The following PTPRG variants were observed in gnomAD, a reference collection of about 807,000 sequenced individuals.
PTPRG encodes receptor-type tyrosine-protein phosphatase gamma.
In PTPRG, 102 loss-of-function variants were observed where a neutral mutation model predicts 165.3. The ratio of observed to expected loss-of-function variants is 0.62; its 90% CI spans 0.53 to 0.73. PTPRG has a LOEUF of 0.73. Among genes scored for constraint, PTPRG ranks in the 30% least tolerant of loss-of-function variants. The pLI, the probability that PTPRG is intolerant of heterozygous loss-of-function variation, is 0.00. For synonymous variants in PTPRG, 675 were observed against 669.5 expected (o/e 1.01, Z -0.13); for missense variants, 1,866 against 1,861.4 (o/e 1.00, Z -0.05).
chr3:61,984,385 C>T (rs1344001859), intron 2 of PTPRG, among the ~76,000 whole-genome samples: 1 of 152,102 alleles, frequency 6.6e-6, no homozygotes, highest in Non-Finnish European at 1.5e-5. Context: ...TCTCTTGTTT[C>T]CTTCGTCTTT....
intron 1 of PTPRG, among the ~76,000 whole-genome samples, chr3:61,566,739 T>G (rs1232033877): frequency 6.6e-6 from 1 of 152,226 alleles, no homozygotes; most frequent in Non-Finnish European, 1.5e-5. Context: ...ACTCCTGACC[T>G]CAGGTGCTCT....
chr3:62,077,930 G>A (rs944612947), intron 4 of PTPRG, among the ~76,000 whole-genome samples: 21 of 151,578 alleles, frequency 1.4e-4, no homozygotes, highest in South Asian at 4.2e-4. Context: ...CCTGGGAGGC[G>A]GAGGTTGTAG....
chr3:62,172,114 T>A (rs2106747442), intron 8 of PTPRG, among the ~76,000 whole-genome samples: 1 of 152,354 alleles, frequency 6.6e-6, no homozygotes, highest in Admixed American at 6.5e-5. Flanking sequence ...CCACATAATA[T>A]GTGGAGGTGC....
At chr3:62,112,108 C>CTT (rs34587018) in intron 5 of PTPRG, among the ~76,000 whole-genome samples, 79 of 148,792 alleles carry the variant, frequency 5.3e-4, no homozygotes, top group African/African-American at 1.8e-3. Flanking sequence ...TTTTTTTCTT[C>CTT]TTTTTTTTTT....
At chr3:62,068,195 A>G (rs1391288646) in intron 4 of PTPRG, among the ~76,000 whole-genome samples, 1 of 152,228 alleles carries the variant, frequency 6.6e-6, no homozygotes, top group Non-Finnish European at 1.5e-5. Context: ...GAATTAATTG[A>G]TGTAAAACGT....
chr3:61,963,884 A>G (rs2040211416), intron 2 of PTPRG, among the ~76,000 whole-genome samples: 1 of 152,138 alleles, frequency 6.6e-6, no homozygotes, highest in South Asian at 2.1e-4. Context: ...TAAAAAAAAA[A>G]GACCTCAGAA....
chr3:61,907,090 A>G (rs888460161), intron 2 of PTPRG, among the ~76,000 whole-genome samples: 3 of 152,130 alleles, frequency 2.0e-5, no homozygotes, highest in East Asian at 1.9e-4. Context: ...TTGGGGTAAC[A>G]TATTCTGTCA....
At chr3:61,773,363 G>A (rs1009044314) in intron 2 of PTPRG, among the ~76,000 whole-genome samples, 6 of 152,128 alleles carry the variant, frequency 3.9e-5, no homozygotes, top group African/African-American at 1.4e-4. Context: ...AAAGATAAAC[G>A]CCTAACTACA....
Position 61,628,353 on chromosome 3 carries a change from G to T in PTPRG, c.85+65981G>T, listed in dbSNP as rs1575548620. On this transcript the variant is annotated intron_variant, in intron 1 of 29. Transcript: ENST00000474889. ...TTTTTTTGAGATGGAGTCTCACTCT[G>T]TTGCCCAGGCTGGAGTGCAGTGGCA... Among the ~76,000 whole-genome samples the T allele has an allele frequency of 3.3e-5, 5 of 151,818 alleles. No homozygotes were observed. In the South Asian group the frequency reaches 1.0e-3, roughly 32 times the overall value.
At chr3:61,933,988 T>A (rs545091219) in intron 2 of PTPRG, among the ~76,000 whole-genome samples, 4 of 152,232 alleles carry the variant, frequency 2.6e-5, no homozygotes, top group Non-Finnish European at 5.9e-5. Flanking sequence ...GGCAGGCTCA[T>A]GCTTTCGCTC....
At position 62,154,893 on chromosome 3, in the gene PTPRG, C is replaced by G. The variant is rs1050931415; in HGVS notation, c.683-2174C>G. ...TGCAGTTGGTGGTGCCAAGCCCTAC[C>G]CACACCCTCTATCGCTTGGGGCTTT... On this transcript the variant is annotated intron_variant, in intron 6 of 29. Coordinates refer to ENST00000474889, the MANE Select transcript of PTPRG (RefSeq NM_002841.4). 3.9e-5 allele frequency among the ~76,000 whole-genome samples: 6 copies of G among 152,142 alleles called. No individual in the cohort carries two copies. In the East Asian group the frequency reaches 1.2e-3, roughly 29 times the overall value.
At chr3:61,955,707 C>G (rs927229137) in intron 2 of PTPRG, among the ~76,000 whole-genome samples, 11 of 152,126 alleles carry the variant, frequency 7.2e-5, no homozygotes, top group African/African-American at 1.9e-4. Flanking sequence ...GATTACCATA[C>G]TGTGTTACTC....
intron 2 of PTPRG, among the ~76,000 whole-genome samples, chr3:61,867,117 C>T (rs547182497): frequency 2.6e-5 from 4 of 152,286 alleles, no homozygotes; most frequent in African/African-American, 9.6e-5. Flanking sequence ...GAAGTTCCTT[C>T]TGGAGCAGAA....
rs60282456 is a variant in PTPRG at position 61,887,170 on chromosome 3, A to ATATATATATATATTTTTT, written c.191-102454_191-102453insATATATATATATTTTTTT. Among the ~76,000 whole-genome samples, 3 of 115,524 alleles carry ATATATATATATATTTTTT rather than the reference A, an allele frequency of 2.6e-5. 1 individual carries two copies. Among genetic ancestry groups the ATATATATATATATTTTTT allele is most frequent in the East Asian group, 3.3e-4 (1 of 3,046 alleles). The allele number at this position is 115,524 out of a possible 152,430, so 75.8% of individuals were successfully genotyped here. A position where few individuals can be genotyped will look rare whatever the true frequency, so the allele number is the denominator to read the frequency against. On this transcript the variant is annotated intron_variant, in intron 2 of 29. Coordinates refer to ENST00000474889, the MANE Select transcript of PTPRG (RefSeq NM_002841.4). ...TATATATATATATATATATATATAT[A>ATATATATATATATTTTTT]TTTTTAATGCCATCATCAAACACTC...
At chr3:61,751,656 A>G (rs1400379325) in intron 2 of PTPRG, among the ~76,000 whole-genome samples, 1 of 152,196 alleles carries the variant, frequency 6.6e-6, no homozygotes, top group Admixed American at 6.5e-5. Flanking sequence ...CACTTCCCAC[A>G]TAGGATTGTT....
chr3:61,994,458 A>G (rs1341396060), intron 3 of PTPRG, among the ~76,000 whole-genome samples: 1 of 152,034 alleles, frequency 6.6e-6, no homozygotes, highest in African/African-American at 2.4e-5. Context: ...ATTCTTCCCT[A>G]TTTGTCTGCA....
At chr3:61,577,613 C>G (rs1700197614) in intron 1 of PTPRG, among the ~76,000 whole-genome samples, 1 of 152,150 alleles carries the variant, frequency 6.6e-6, no homozygotes, top group Non-Finnish European at 1.5e-5. Context: ...TCACTTGTTT[C>G]CTTTTACTGT....
At chr3:62,094,061 C>T (rs1575995141) in intron 5 of PTPRG, among the ~76,000 whole-genome samples, 1 of 152,296 alleles carries the variant, frequency 6.6e-6, no homozygotes, top group Admixed American at 6.5e-5. Flanking sequence ...ATGCCTCAAA[C>T]CTGTAAAGTA....
At chr3:62,114,553 A>G (rs1702792326) in intron 5 of PTPRG, among the ~76,000 whole-genome samples, 7 of 152,200 alleles carry the variant, frequency 4.6e-5, no homozygotes, top group Admixed American at 3.9e-4. Flanking sequence ...AGTACTTCAT[A>G]TACTTCAACT....
Sources: allele counts gnomAD v4.1 joint callset (sites outside exome capture counted in the v4.1 genomes callset), GRCh38; gene constraint gnomAD v4.1.1; transcripts MANE v1.5; gene names NCBI Gene and HGNC (gene_info 2026-07-23, HGNC 2026-07-21).